SLC4A7: variants seen among roughly 807,000 people sequenced by gnomAD.
The protein encoded by SLC4A7 is sodium bicarbonate cotransporter 3.
Under a neutral mutation model 137.6 loss-of-function variants are expected in SLC4A7, and 51 were observed. That is an observed-to-expected ratio of 0.37 (90% CI 0.30 to 0.47). The LOEUF (loss-of-function observed/expected upper bound fraction) is 0.47, where lower values mean the gene tolerates loss of function less well. Among genes scored for constraint, SLC4A7 ranks in the 20% least tolerant of loss-of-function variants. The probability of loss-of-function intolerance (pLI) is 1.00; values close to 1 mark genes in which losing one functional copy is unlikely to be tolerated. For synonymous variants in SLC4A7, 542 were observed against 518.6 expected (o/e 1.05, Z -0.61); for missense variants, 1,247 against 1,525.4 (o/e 0.82, Z 3.04).
At position 27,374,440 on chromosome 3, in the gene SLC4A7, T is replaced by C. The variant is rs2049765862; in HGVS notation, c.*2324A>G. ...ATATGTAGTAAATTATATCTGTCAC[T>C]GTCTCTCAATGAATGCTATCTTTGA... On this transcript the variant is annotated 3_prime_UTR_variant, in exon 26 of 26. Transcript: ENST00000454389. The C allele has an allele frequency of 6.6e-6, 1 of 152,562 alleles. No homozygotes were observed. Among genetic ancestry groups the C allele is most frequent in the African/African-American group, 2.4e-5 (1 of 41,470 alleles). The allele number at this position is 152,562 out of a possible 1,614,324, so 9.5% of individuals were successfully genotyped here.
At chr3:27,463,265 A>C (rs532188712) in intron 1 of SLC4A7, among the ~76,000 whole-genome samples, 9 of 152,284 alleles carry the variant, frequency 5.9e-5, no homozygotes, top group African/African-American at 9.6e-5. Flanking sequence ...GTCTCTACTA[A>C]AAATACAAAA....
chr3:27,416,916 A>G (rs1303549611), intron 11 of SLC4A7, among the ~76,000 whole-genome samples: 2 of 152,220 alleles, frequency 1.3e-5, no homozygotes. Context: ...CCTCAGTTGA[A>G]TGAGAAATTT....
intron 24 of SLC4A7, among the ~76,000 whole-genome samples, chr3:27,382,582 T>C (rs1576074037): frequency 6.6e-6 from 1 of 152,124 alleles, no homozygotes; most frequent in East Asian, 1.9e-4. Flanking sequence ...AAATCACGAA[T>C]AATGAATTAT....
chr3:27,442,447 T>G, intron 3 of SLC4A7, among the ~76,000 whole-genome samples: 1 of 151,840 alleles, frequency 6.6e-6, no homozygotes, highest in East Asian at 1.9e-4. Context: ...TTTTCTTTTT[T>G]TTTTTTTTTT....
In SLC4A7 at chr3:27,374,973, T is replaced by C. The variant is rs2049803264; in HGVS notation, c.*1791A>G. 6.6e-6 allele frequency: 1 copy of C among 152,074 alleles called. No homozygotes were observed. Among genetic ancestry groups the C allele is most frequent in the Non-Finnish European group, 1.5e-5 (1 of 67,796 alleles). 9.4% of individuals were successfully genotyped at this position (152,074 alleles called of 1,614,324 possible). ...AATACTCTATCAATTGCCAATAGAGTCTAACTCTTTTTAGGCAGTACCAAA... is the reference window on the plus strand; with the variant it reads ...AATACTCTATCAATTGCCAATAGAGCCTAACTCTTTTTAGGCAGTACCAAA... On this transcript the variant is annotated 3_prime_UTR_variant, in exon 26 of 26. Transcript: ENST00000454389.
intron 1 of SLC4A7, among the ~76,000 whole-genome samples, chr3:27,477,296 C>G (rs2059500181): frequency 6.6e-6 from 1 of 152,206 alleles, no homozygotes; most frequent in Non-Finnish European, 1.5e-5. Flanking sequence ...TGGTGAACAG[C>G]AGCTAACTTT....
intron 11 of SLC4A7, among the ~76,000 whole-genome samples, chr3:27,414,958 G>A (rs569727533): frequency 3.9e-4 from 59 of 152,260 alleles, no homozygotes; most frequent in African/African-American, 1.4e-3. Flanking sequence ...GCTCGATAAC[G>A]TTCCTGGCTT....
intron 2 of SLC4A7, among the ~76,000 whole-genome samples, chr3:27,449,996 A>G (rs185986980): frequency 3.3e-5 from 5 of 152,314 alleles, no homozygotes; most frequent in East Asian, 1.9e-4. Context: ...TGTAACCACA[A>G]AATCAATACT....
intron 1 of SLC4A7, among the ~76,000 whole-genome samples, chr3:27,467,588 C>T (rs2059062733): frequency 6.6e-6 from 1 of 152,134 alleles, no homozygotes; most frequent in Non-Finnish European, 1.5e-5. Flanking sequence ...TCCCGTAAAA[C>T]AAATGGAAAC....
intron 25 of SLC4A7, among the ~76,000 whole-genome samples, chr3:27,378,009 T>A (rs1429326761): frequency 6.6e-6 from 1 of 152,232 alleles, no homozygotes; most frequent in African/African-American, 2.4e-5. Flanking sequence ...ATGATAATTA[T>A]ACTAACAAGG....
rs139578211 is a variant in SLC4A7 at position 27,431,435 on chromosome 3, C to G, written c.1013G>C (p.Arg338Pro). The G allele has an allele frequency of 5.6e-6, 9 of 1,613,938 alleles. No individual in the cohort carries two copies. The African/African-American group carries it at 1.2e-4, about 22-fold the overall frequency. Residue 338 changes from arginine to proline, a missense_variant, in exon 7 of 26, where the codon CGT becomes CCT. Physicochemically the swap from Arg to Pro is moderately radical, Grantham distance 103 (BLOSUM62 -2). Transcript: ENST00000454389. Reference sequence around the variant, plus strand: ...TGAAACCAGTAGTTCTGGGGCCTGACGCTGACTCTCTTGGGAACTTCTGGA... The same window carrying G: ...TGAAACCAGTAGTTCTGGGGCCTGAGGCTGACTCTCTTGGGAACTTCTGGA... The part of the protein sequence containing the change: ...LTSRSSQESQ[R>P]QAPELLVSPA...
chr3:27,421,490 T>C, intron 9 of SLC4A7, 132 bp downstream of exon 9: 1 of 777,532 alleles, frequency 1.3e-6, no homozygotes, highest in Non-Finnish European at 2.0e-6. Flanking sequence ...AGTGAGATTG[T>C]CTCAAAAATA....
chr3:27,408,597 GAATA>G (rs765816903), intron 13 of SLC4A7, among the ~76,000 whole-genome samples: 11 of 151,958 alleles, frequency 7.2e-5, no homozygotes, highest in Non-Finnish European at 1.3e-4. Flanking sequence ...GTTCTCCCAA[GAATA>G]AATACAATTA....
chr3:27,483,755 T>C (rs1047013003), intron 1 of SLC4A7, among the ~76,000 whole-genome samples: 2 of 151,968 alleles, frequency 1.3e-5, no homozygotes, highest in African/African-American at 4.8e-5. Flanking sequence ...AGGGAAGGGA[T>C]GGATGGTCGG....
At chr3:27,411,555 G>A (rs2053902243) in intron 12 of SLC4A7, 87 bp downstream of exon 12, 1 of 589,430 alleles carries the variant, frequency 1.7e-6, no homozygotes, top group African/African-American at 1.9e-5. Flanking sequence ...TACAAGATTA[G>A]GTTCCAAACA....
intron 9 of SLC4A7, among the ~76,000 whole-genome samples, chr3:27,421,415 G>A (rs1446916494): frequency 2.0e-5 from 3 of 152,110 alleles, no homozygotes; most frequent in Non-Finnish European, 4.4e-5. Context: ...AAAATCGCAT[G>A]AACCTGGGAG....
chr3:27,388,292 T>A (rs1303813123), intron 22 of SLC4A7, among the ~76,000 whole-genome samples: 1 of 152,214 alleles, frequency 6.6e-6, no homozygotes, highest in Non-Finnish European at 1.5e-5. Flanking sequence ...TCTGCATTTA[T>A]ATTAGTAAGA....
intron 21 of SLC4A7, chr3:27,390,314 T>C (rs1278494991): frequency 2.2e-6 from 1 of 448,482 alleles, no homozygotes; most frequent in Non-Finnish European, 4.0e-6. Context: ...AAGCAACCAC[T>C]TGCACTGCTG....
intron 1 of SLC4A7, 84 bp downstream of exon 1, chr3:27,483,983 G>T (rs980792561): frequency 9.0e-7 from 1 of 1,106,418 alleles, no homozygotes; most frequent in East Asian, 3.5e-5. Context: ...GCCGAGCCGC[G>T]ACGCCCGCCG....
Sources: gnomAD v4.1 joint callset for allele counts (sites outside exome capture counted in the v4.1 genomes callset) on GRCh38, gnomAD v4.1.1 for gene constraint, MANE v1.5 for transcripts, NCBI Gene and HGNC (gene_info 2026-07-23, HGNC 2026-07-21) for gene names.